The following VPS13D variants were observed in gnomAD, a reference collection of about 807,000 sequenced individuals.
VPS13D encodes vacuolar protein sorting 13 homolog D, also known as intermembrane lipid transfer protein VPS13D.
VPS13D carries 187 observed loss-of-function variants against 461.9 expected under a neutral mutation model. That is an observed-to-expected ratio of 0.40 (90% confidence interval 0.36 to 0.46). The LOEUF is 0.46. VPS13D is among the 20% of genes least tolerant of loss of function. The pLI is 0.60. For missense variants in VPS13D, 4,711 were observed against 5,364.9 expected (o/e 0.88, Z 3.81); for synonymous variants, 1,951 against 1,986.3 (o/e 0.98, Z 0.47).
chr1:12,232,320 G>A (rs1640005330), intron 1 of VPS13D, among the ~76,000 whole-genome samples: 2 of 152,142 alleles, frequency 1.3e-5, no homozygotes, highest in South Asian at 2.1e-4. Flanking sequence ...TTCTTGTGGA[G>A]GCCTTGTGCT....
At chr1:12,496,080 C>T (rs1645953347) in intron 67 of VPS13D, among the ~76,000 whole-genome samples, 1 of 152,178 alleles carries the variant, frequency 6.6e-6, no homozygotes, top group Admixed American at 6.5e-5. Flanking sequence ...AAAATTGAGA[C>T]TGGCGGGGTA....
intron 63 of VPS13D, among the ~76,000 whole-genome samples, chr1:12,409,111 T>G (rs894907487): frequency 4.7e-4 from 72 of 152,192 alleles, no homozygotes; most frequent in African/African-American, 1.7e-3. Flanking sequence ...TTGTGTTTAA[T>G]TATACAAGAG....
At chr1:12,245,816 T>C (rs2101216065) in intron 5 of VPS13D, among the ~76,000 whole-genome samples, 1 of 152,370 alleles carries the variant, frequency 6.6e-6, no homozygotes, top group South Asian at 2.1e-4. Context: ...CTACTTTCTT[T>C]CTAGATTTGC....
chr1:12,309,953 AC>A (rs951336975), intron 27 of VPS13D, among the ~76,000 whole-genome samples: 29 of 152,078 alleles, frequency 1.9e-4, no homozygotes, highest in African/African-American at 7.0e-4. Flanking sequence ...TTTCAGTCTT[AC>A]GTGTTATTCA....
intron 7 of VPS13D, among the ~76,000 whole-genome samples, chr1:12,255,406 T>A (rs1208993893): frequency 6.6e-6 from 1 of 152,182 alleles, no homozygotes; most frequent in African/African-American, 2.4e-5. Flanking sequence ...TATATAGCAT[T>A]TATTTAAGAA....
intron 60 of VPS13D, among the ~76,000 whole-genome samples, chr1:12,389,602 GAA>G (rs1008590150): frequency 6.8e-6 from 1 of 146,630 alleles, no homozygotes; most frequent in African/African-American, 2.4e-5. Flanking sequence ...TTTAACAAAA[GAA>G]AGAGGAAATA....
chr1:12,301,007 G>A (rs144650959), intron 25 of VPS13D, among the ~76,000 whole-genome samples: 11 of 152,284 alleles, frequency 7.2e-5, no homozygotes, highest in African/African-American at 1.7e-4. Context: ...AGCTAATAAC[G>A]TAGGGAGAGA....
intron 67 of VPS13D, among the ~76,000 whole-genome samples, chr1:12,478,334 C>T (rs766208129): frequency 3.9e-5 from 6 of 152,176 alleles, no homozygotes; most frequent in African/African-American, 7.2e-5. Context: ...ACCAGCACGA[C>T]GAAAAGGAGA....
At chr1:12,416,590 T>C (rs1644797399) in intron 64 of VPS13D, 70 bp from the exon 65 acceptor site, 1 of 1,501,840 alleles carries the variant, frequency 6.7e-7, no homozygotes, top group East Asian at 2.3e-5. Context: ...AGCTCTTCGC[T>C]TGGGACACTG....
rs563245251 is a variant in VPS13D at position 12,279,732 on chromosome 1, G to A, written c.4602+82G>A. 15 of 1,187,122 alleles carry A rather than the reference G, an allele frequency of 1.3e-5. No individual in the cohort carries two copies. The highest frequency in any genetic ancestry group is 3.0e-4 in the Middle Eastern group (1 of 3,298). The allele number at this position is 1,187,122 out of a possible 1,614,324, so 73.5% of individuals were successfully genotyped here. A position where few individuals can be genotyped will look rare whatever the true frequency, so the allele number is the denominator to read the frequency against. ...TGATATATATTTATGTATATTACAT[G>A]TTGGAAGGAATATATATTTTCAAAG... On this transcript the variant is annotated intron_variant, in intron 20 of 69. Transcript: ENST00000620676. The surrounding 1 kb of genome is among the most constrained non-coding windows in gnomAD (Gnocchi z 4.3).
Position 12,354,093 on chromosome 1 carries a change from T to A in VPS13D, c.9551T>A (p.Val3184Glu). The A allele has an allele frequency of 6.2e-7, 1 of 1,614,192 alleles. No homozygotes were observed. Among genetic ancestry groups the A allele is most frequent in the Non-Finnish European group, 8.5e-7 (1 of 1,180,040 alleles). The change falls in exon 47 of 70, where the codon GTG becomes GAG. Residue 3184 changes from valine to glutamate, a missense_variant. Val to Glu is a moderately radical substitution (Grantham distance 121, BLOSUM62 -2). Transcript: ENST00000620676. ...CATACCATATATCTCCTGCCAACTGTGGTAATCTGCAACTTGCTACCCTGT... is the reference window on the plus strand; with the variant it reads ...CATACCATATATCTCCTGCCAACTGAGGTAATCTGCAACTTGCTACCCTGT... Reference protein sequence around the residue: ...PGHTIYLLPTVVICNLLPCEL... With the variant: ...PGHTIYLLPTEVICNLLPCEL...
intron 51 of VPS13D, 47 bp downstream of exon 51, chr1:12,362,897 G>A (rs1643971724): frequency 2.5e-6 from 4 of 1,611,320 alleles, no homozygotes; most frequent in Non-Finnish European, 3.4e-6. Context: ...TTAATAGCAC[G>A]AGTTTTAATG....
chr1:12,240,971 G>A (rs1640335756), intron 2 of VPS13D, among the ~76,000 whole-genome samples: 1 of 151,892 alleles, frequency 6.6e-6, no homozygotes, highest in South Asian at 2.1e-4. Context: ...ATGGGGTCTA[G>A]CTTTGTCACC....
intron 65 of VPS13D, among the ~76,000 whole-genome samples, chr1:12,446,423 GAA>G (rs111756019): frequency 9.9e-6 from 1 of 100,594 alleles, no homozygotes. Context: ...TCTCAAAAAA[GAA>G]AAAAAAAAAA....
intron 65 of VPS13D, among the ~76,000 whole-genome samples, chr1:12,421,477 A>G (rs1303952700): frequency 2.0e-5 from 3 of 152,378 alleles, no homozygotes; most frequent in African/African-American, 7.2e-5. Context: ...ACACTCTAAC[A>G]TCTTTTAAAG....
chr1:12,416,852 A>G (rs779853293), intron 65 of VPS13D, 25 bp downstream of exon 65: 4 of 1,598,936 alleles, frequency 2.5e-6, no homozygotes, highest in East Asian at 4.5e-5. Flanking sequence ...GTGAAATTCC[A>G]TTATAATTAA....
chr1:12,316,353 G>T (rs569959342), intron 30 of VPS13D, among the ~76,000 whole-genome samples: 42 of 152,270 alleles, frequency 2.8e-4, no homozygotes, highest in South Asian at 2.1e-3. Flanking sequence ...AACGCCTTTC[G>T]TGTCTGAAGA....
chr1:12,414,485 TAATGTTGTCTATGAG>T (rs140918929), intron 63 of VPS13D, among the ~76,000 whole-genome samples: 6,757 of 152,270 alleles, frequency 0.044, 216 homozygotes, highest in East Asian at 0.084. Flanking sequence ...CCCCCATATG[TAATGTTGTCTATGAG>T]AAGCCACCTA....
In VPS13D at chr1:12,317,316, C is replaced by T. The variant is rs182294870; in HGVS notation, c.7149-756C>T. On this transcript the variant is annotated intron_variant, in intron 30 of 69. Coordinates refer to ENST00000620676, the MANE Select transcript of VPS13D (RefSeq NM_015378.4). ...ATTCTTCATTTTATAAGTAGGGAAA[C>T]AGGCTGAGAGAAGGTAGGTGGCTTT... is the stretch of plus-strand genomic sequence containing the variant. Among the ~76,000 whole-genome samples the T allele has an allele frequency of 2.0e-3, 304 of 152,064 alleles. 1 individual carries two copies. Among genetic ancestry groups the T allele is most frequent in the Non-Finnish European group, 3.0e-3 (202 of 68,002 alleles).
Sources: gnomAD v4.1 joint callset for allele counts (sites outside exome capture counted in the v4.1 genomes callset) on GRCh38, gnomAD v4.1.1 for gene constraint, Gnocchi (gnomAD v3.1) non-coding constraint, MANE v1.5 for transcripts, NCBI Gene and HGNC (gene_info 2026-07-23, HGNC 2026-07-21) for gene names.